ABTB2: variants seen among roughly 807,000 people sequenced by gnomAD.
ABTB2 encodes ankyrin repeat and BTB domain containing 2, also known as ankyrin repeat and BTB/POZ domain-containing protein 2.
In ABTB2, 56 loss-of-function variants were observed where a neutral mutation model predicts 104.1. The ratio of observed to expected loss-of-function variants is 0.54; its 90% CI spans 0.43 to 0.67. ABTB2 has a LOEUF of 0.67. Ranked by LOEUF, ABTB2 falls within the 30% of genes least tolerant of loss-of-function variation. ABTB2 has a pLI of 0.00. For synonymous variants in ABTB2, 606 were observed against 608.2 expected (o/e 1.00, Z 0.05); for missense variants, 1,279 against 1,407.7 (o/e 0.91, Z 1.46).
At chr11:34,199,212 G>A (rs754720955) in intron 2 of ABTB2, among the ~76,000 whole-genome samples, 4 of 152,144 alleles carry the variant, frequency 2.6e-5, no homozygotes, top group African/African-American at 7.2e-5. Flanking sequence ...TGACAGCCAC[G>A]GTGATGGTGT....
chr11:34,221,828 C>T (rs975569733), intron 1 of ABTB2, among the ~76,000 whole-genome samples: 4 of 152,204 alleles, frequency 2.6e-5, no homozygotes, highest in Non-Finnish European at 4.4e-5. Flanking sequence ...CACCTGAGGT[C>T]GGGAGTTCCA....
chr11:34,203,588 G>A (rs1021638597), intron 2 of ABTB2, among the ~76,000 whole-genome samples: 2 of 152,178 alleles, frequency 1.3e-5, no homozygotes, highest in Non-Finnish European at 2.9e-5. Flanking sequence ...ATGTCACCAG[G>A]AGACAGGGAG....
At chr11:34,282,947 C>T (rs1371269537) in intron 1 of ABTB2, among the ~76,000 whole-genome samples, 9 of 145,698 alleles carry the variant, frequency 6.2e-5, no homozygotes, top group Non-Finnish European at 1.4e-4. Context: ...CTCGCTTTGT[C>T]GCCCAGGCTG....
chr11:34,279,400 C>T (rs1014523770), intron 1 of ABTB2, among the ~76,000 whole-genome samples: 2 of 152,126 alleles, frequency 1.3e-5, no homozygotes, highest in Non-Finnish European at 2.9e-5. Flanking sequence ...CATGCCCGGT[C>T]TGTTCTTTAC....
chr11:34,312,294 A>C (rs1429128666), intron 1 of ABTB2, among the ~76,000 whole-genome samples: 2 of 152,192 alleles, frequency 1.3e-5, no homozygotes, highest in Non-Finnish European at 2.9e-5. Context: ...CCAGGAAAAC[A>C]CACCTTGTTC....
intron 1 of ABTB2, among the ~76,000 whole-genome samples, chr11:34,236,574 G>A (rs978144098): frequency 4.6e-5 from 7 of 152,136 alleles, no homozygotes; most frequent in Non-Finnish European, 7.4e-5. Flanking sequence ...CTCTTTTGAT[G>A]CCTCCCCGGC....
intron 1 of ABTB2, among the ~76,000 whole-genome samples, chr11:34,248,284 G>A (rs944284797): frequency 2.0e-5 from 3 of 151,672 alleles, no homozygotes; most frequent in African/African-American, 4.9e-5. Flanking sequence ...AGAGGGTGGG[G>A]GATCTCATTT....
At chr11:34,241,068 C>T (rs1853910068) in intron 1 of ABTB2, among the ~76,000 whole-genome samples, 1 of 152,034 alleles carries the variant, frequency 6.6e-6, no homozygotes, top group Admixed American at 6.6e-5. Context: ...TTTTCTGTTT[C>T]GAGTTGCATT....
Position 34,154,655 on chromosome 11 carries a change from G to T in ABTB2, c.2766+46C>A, listed in dbSNP as rs770940789. 116 of 1,596,560 alleles carry T rather than the reference G, an allele frequency of 7.3e-5. No homozygotes were observed. Among genetic ancestry groups the T allele is most frequent in the Middle Eastern group, 1.7e-4 (1 of 5,948 alleles). On this transcript the variant is annotated intron_variant, in intron 15 of 16. Transcript: ENST00000435224. The surrounding 1 kb of genome is among the most constrained non-coding windows in gnomAD (Gnocchi z 4.9). Reference sequence around the variant, plus strand: ...AAGGGGGTGAATGGGAGACCGAGCCGCTGGGCACCCTAGCCCAGGCCCCCT... The same window carrying T: ...AAGGGGGTGAATGGGAGACCGAGCCTCTGGGCACCCTAGCCCAGGCCCCCT...
chr11:34,294,679 C>T (rs1854599295), intron 1 of ABTB2, among the ~76,000 whole-genome samples: 1 of 151,966 alleles, frequency 6.6e-6, no homozygotes, highest in Non-Finnish European at 1.5e-5. Context: ...TGAGACCAGC[C>T]TGGGCAACAT....
intron 1 of ABTB2, among the ~76,000 whole-genome samples, chr11:34,232,457 A>AAAAAAAAAC (rs1853782811): frequency 1.3e-5 from 2 of 151,338 alleles, no homozygotes; most frequent in Non-Finnish European, 3.0e-5. Context: ...CTCAAAAAAA[A>AAAAAAAAAC]AAAAAAAAAT....
chr11:34,315,119 C>G (rs1854910264), intron 1 of ABTB2, among the ~76,000 whole-genome samples: 1 of 152,250 alleles, frequency 6.6e-6, no homozygotes, highest in Non-Finnish European at 1.5e-5. Context: ...GCGAGCCTGC[C>G]TTCTGGACAG....
chr11:34,223,274 T>C (rs1853648110), intron 1 of ABTB2, among the ~76,000 whole-genome samples: 1 of 151,942 alleles, frequency 6.6e-6, no homozygotes, highest in Admixed American at 6.6e-5. Flanking sequence ...GGTGGCAACG[T>C]CCCAAAGAGG....
chr11:34,196,842 A>G (rs560823812), intron 3 of ABTB2, among the ~76,000 whole-genome samples: 28 of 152,368 alleles, frequency 1.8e-4, no homozygotes, highest in Non-Finnish European at 3.4e-4. Flanking sequence ...AAACACACCC[A>G]GGACCCCTCA....
intron 1 of ABTB2, among the ~76,000 whole-genome samples, chr11:34,286,640 G>A (rs937972229): frequency 4.6e-5 from 7 of 151,790 alleles, no homozygotes; most frequent in Non-Finnish European, 7.4e-5. Context: ...AGGTTCCTTC[G>A]CCAGCACCCT....
chr11:34,230,801 C>T (rs1228733206), intron 1 of ABTB2, among the ~76,000 whole-genome samples: 1 of 152,128 alleles, frequency 6.6e-6, no homozygotes, highest in Non-Finnish European at 1.5e-5. Flanking sequence ...TTTCCGAAAA[C>T]CTTCTTTCAA....
rs188753704 is a variant in ABTB2, at chr11:34,180,006, T to C, written c.1245-6699A>G. ...TATTTGGAACATGGTAACTTCTCCA[T>C]AAATGTTAACTATTATTACTAGTTT... On this transcript the variant is annotated intron_variant, in intron 3 of 16. Transcript: ENST00000435224. 3.9e-5 allele frequency among the ~76,000 whole-genome samples: 6 copies of C among 152,328 alleles called. No individual in the cohort carries two copies. In the East Asian group the frequency reaches 1.2e-3, roughly 29 times the overall value.
chr11:34,354,755 T>C (rs1468020993), intron 1 of ABTB2, among the ~76,000 whole-genome samples: 1 of 152,234 alleles, frequency 6.6e-6, no homozygotes, highest in East Asian at 1.9e-4. Context: ...TATATGTTTT[T>C]GTTTTGTTTT....
intron 1 of ABTB2, among the ~76,000 whole-genome samples, chr11:34,270,673 C>G (rs1854303830): frequency 6.6e-6 from 1 of 152,150 alleles, no homozygotes; most frequent in East Asian, 1.9e-4. Context: ...CAGAGGTTGA[C>G]AACCAGATGC....
Sources: allele counts gnomAD v4.1 joint callset (sites outside exome capture counted in the v4.1 genomes callset), GRCh38; gene constraint gnomAD v4.1.1; non-coding constraint Gnocchi (gnomAD v3.1); transcripts MANE v1.5; gene names NCBI Gene and HGNC (gene_info 2026-07-23, HGNC 2026-07-21).